OR56A3: variants seen among roughly 807,000 people sequenced by gnomAD.
OR56A3 encodes the protein olfactory receptor family 56 subfamily A member 3, also known as olfactory receptor 56A3.
In OR56A3, 23 loss-of-function variants were observed where a neutral mutation model predicts 17.5. The observed-to-expected ratio is 1.32, with a 90% CI of 0.95 to 1.87. The LOEUF (loss-of-function observed/expected upper bound fraction) is 1.87, where lower values mean the gene tolerates loss of function less well. OR56A3 is among the 40% of genes most tolerant of loss of function. The probability of loss-of-function intolerance (pLI) is 0.00; values close to 1 mark genes in which losing one functional copy is unlikely to be tolerated. For synonymous variants in OR56A3, 175 were observed against 150.6 expected (o/e 1.16, Z -1.19); for missense variants, 366 against 380.1 (o/e 0.96, Z 0.31).
the OR56A3 span, chr11:6,019,704 TAA>T: frequency 6.6e-6 from 1 of 152,196 alleles, no homozygotes; most frequent in South Asian, 2.1e-4. Context: ...CTTTCCAATT[TAA>T]AAAGACAATA....
chr11:5,957,379 C>T, the OR56A3 span, among the ~76,000 whole-genome samples: 2 of 152,164 alleles, frequency 1.3e-5, no homozygotes, highest in African/African-American at 4.8e-5. Context: ...CTTAATCTAT[C>T]TCATAAGCAT....
At chr11:5,968,052 G>T in the OR56A3 span, 24 of 1,607,122 alleles carry the variant, frequency 1.5e-5, no homozygotes. Flanking sequence ...AACAAAGATG[G>T]CAGCCCTAGC....
chr11:5,955,708 A>C (rs553233165), downstream of OR56A3, among the ~76,000 whole-genome samples: 1 of 152,274 alleles, frequency 6.6e-6, no homozygotes, highest in African/African-American at 2.4e-5. Context: ...CAGCTCTACT[A>C]ACAGATGTAC....
chr11:5,948,142 C>T lies in OR56A3; in HGVS notation c.796C>T (p.His266Tyr). 6.2e-7 allele frequency: 1 copy of T among 1,614,216 alleles called. No homozygotes were observed. Among genetic ancestry groups the T allele is most frequent in the South Asian group, 1.1e-5 (1 of 91,086 alleles). ...STILLVFVLT[H>Y]VAKKKVSPDV... is the part of the protein sequence containing the mutation. ...CATCCTTCTGGTTTTTGTCCTCACA[C>T]ATGTGGCTAAGAAGAAAGTCTCCCC... is the stretch of plus-strand genomic sequence containing the variant. The change falls in exon 3 of 3, where the codon CAT becomes TAT. Residue 266 changes from histidine to tyrosine, a missense_variant. His to Tyr is a moderately conservative substitution (Grantham distance 83). Transcript: ENST00000641160.
the OR56A3 span, among the ~76,000 whole-genome samples, chr11:5,958,943 G>T: frequency 6.6e-6 from 1 of 152,176 alleles, no homozygotes; most frequent in Non-Finnish European, 1.5e-5. Context: ...CATACATGTT[G>T]TCGCAAGTGA....
chr11:5,997,234 G>A, the OR56A3 span, among the ~76,000 whole-genome samples: 5 of 152,244 alleles, frequency 3.3e-5, no homozygotes, highest in East Asian at 9.6e-4. Context: ...TGGCAATATT[G>A]GCAGAATCTG....
chr11:5,989,114 A>G, the OR56A3 span, among the ~76,000 whole-genome samples: 2 of 152,240 alleles, frequency 1.3e-5, no homozygotes, highest in African/African-American at 4.8e-5. Flanking sequence ...TTCTTCTAGA[A>G]TCAACTTGAA....
the OR56A3 span, among the ~76,000 whole-genome samples, chr11:5,978,374 C>G: frequency 6.6e-6 from 1 of 152,036 alleles, no homozygotes; most frequent in Non-Finnish European, 1.5e-5. Flanking sequence ...TATGTTGTCT[C>G]TAATTTCTTT....
chr11:5,998,747 G>A, the OR56A3 span, among the ~76,000 whole-genome samples: 1 of 152,200 alleles, frequency 6.6e-6, no homozygotes, highest in Non-Finnish European at 1.5e-5. Context: ...CTGAGAGTGA[G>A]GATTCTTAAC....
chr11:5,955,693 C>T (rs1037858355), downstream of OR56A3, among the ~76,000 whole-genome samples: 19 of 152,074 alleles, frequency 1.2e-4, no homozygotes, highest in Non-Finnish European at 2.5e-4. Context: ...GCACCAGTGG[C>T]CAGGCAGCTC....
chr11:5,968,636 C>T, the OR56A3 span: 2 of 623,602 alleles, frequency 3.2e-6, no homozygotes, highest in East Asian at 2.8e-5. Context: ...TGACCAATCC[C>T]AAATGAAGGC....
chr11:5,961,752 T>TAAA, the OR56A3 span, among the ~76,000 whole-genome samples: 298 of 134,456 alleles, frequency 2.2e-3, 1 homozygote, highest in African/African-American at 7.9e-3. Flanking sequence ...AATAAATACT[T>TAAA]AAAAAAAAAA....
chr11:6,015,550 A>C, the OR56A3 span, among the ~76,000 whole-genome samples: 1 of 152,234 alleles, frequency 6.6e-6, no homozygotes, highest in South Asian at 2.1e-4. Context: ...TAGGAACTCA[A>C]TGCCAGCCTG....
the OR56A3 span, among the ~76,000 whole-genome samples, chr11:5,991,246 A>G: frequency 6.6e-6 from 1 of 152,216 alleles, no homozygotes. Context: ...GCCACCTAGG[A>G]CCATGCCAAA....
chr11:5,981,941 CA>C, the OR56A3 span, among the ~76,000 whole-genome samples: 1 of 152,186 alleles, frequency 6.6e-6, no homozygotes, highest in Non-Finnish European at 1.5e-5. Flanking sequence ...TTCAACTCAG[CA>C]CTCCTGGGTT....
At chr11:5,954,898 A>C (rs1056541853), downstream of OR56A3, among the ~76,000 whole-genome samples, 20 of 152,180 alleles carry the variant, frequency 1.3e-4, no homozygotes, top group Non-Finnish European at 2.5e-4. Flanking sequence ...ACATTGAAGA[A>C]GTTGGAATTT....
chr11:5,968,846 A>G, the OR56A3 span, among the ~76,000 whole-genome samples: 2,180 of 152,314 alleles, frequency 0.014, 61 homozygotes, highest in African/African-American at 0.05. Context: ...TCCACAGGCT[A>G]GAAACACTCA....
chr11:5,948,272 G>C lies in OR56A3; in HGVS notation c.926G>C (p.Arg309Thr). The C allele has an allele frequency of 6.2e-7, 1 of 1,613,530 alleles. No individual in the cohort carries two copies. Among genetic ancestry groups the C allele is most frequent in the Non-Finnish European group, 8.5e-7 (1 of 1,179,486 alleles). The change falls in exon 3 of 3, where the codon AGG (arginine) becomes ACG (threonine). Residue 309 changes from arginine (R) to threonine (T), a missense_variant. Transcript: ENST00000641160. ...RTQEIKQGMQRLLKKGC is the reference protein window; with the variant it reads ...RTQEIKQGMQTLLKKGC ...CAAGAAATTAAGCAGGGAATGCAGA[G>C]GTTGTTGAAGAAAGGGTGCTAACAA...
chr11:5,991,852 A>G, the OR56A3 span, among the ~76,000 whole-genome samples: 3 of 152,126 alleles, frequency 2.0e-5, no homozygotes, highest in Non-Finnish European at 2.9e-5. Flanking sequence ...ATTATTACCA[A>G]TTGGCAGGTC....
Sources: allele counts gnomAD v4.1 joint callset (sites outside exome capture counted in the v4.1 genomes callset), GRCh38; gene constraint gnomAD v4.1.1; transcripts MANE v1.5; gene names NCBI Gene and HGNC (gene_info 2026-07-23, HGNC 2026-07-21).